Variants in GPC3 observed in about 807,000 individuals in gnomAD.
GPC3 encodes the protein glypican 3.
Under a neutral mutation model 34.4 loss-of-function variants are expected in GPC3, and 3 were observed. That is an observed-to-expected ratio of 0.09 (90% confidence interval 0.04 to 0.23). GPC3 has a LOEUF of 0.23. GPC3 is among the 10% of genes least tolerant of loss of function. GPC3 has a pLI of 1.00. For missense variants in GPC3, 351 were observed against 445.6 expected, an observed-to-expected ratio of 0.79 and a Z score of 1.91; for synonymous variants, 177 against 174.0, an observed-to-expected ratio of 1.02 and a Z score of -0.13.
chrX:133,664,322 G>C (rs2070751675), intron 5 of GPC3, among the ~76,000 whole-genome samples: 1 of 112,022 alleles, frequency 8.9e-6, no homozygotes, highest in South Asian at 3.7e-4. Context: ...TCTTTAAAGA[G>C]ACCAAAATTT....
chrX:133,559,589 T>G (rs896182755), intron 7 of GPC3, among the ~76,000 whole-genome samples: 1 of 110,388 alleles, frequency 9.1e-6, no homozygotes, highest in African/African-American at 3.3e-5. Flanking sequence ...GCCTGTGGAG[T>G]GTTCTGAGAA....
At chrX:133,606,265 C>T (rs779058207) in intron 6 of GPC3, among the ~76,000 whole-genome samples, 2 of 111,672 alleles carry the variant, frequency 1.8e-5, no homozygotes, top group South Asian at 7.6e-4. Flanking sequence ...TGGAAAATTT[C>T]CAATAATATT....
At chrX:133,597,168 A>G (rs1300412054) in intron 6 of GPC3, among the ~76,000 whole-genome samples, 1 of 111,890 alleles carries the variant, frequency 8.9e-6, no homozygotes, top group African/African-American at 3.2e-5. Flanking sequence ...TTCCAATAAG[A>G]TGCTTTTAAA....
chrX:133,721,659 A>G (rs2071368904), intron 3 of GPC3, among the ~76,000 whole-genome samples: 1 of 111,237 alleles, frequency 9.0e-6, no homozygotes. Flanking sequence ...AATTAGACAA[A>G]GACATCCTAA....
intron 3 of GPC3, among the ~76,000 whole-genome samples, chrX:133,704,735 G>C (rs936639928): frequency 1.8e-5 from 2 of 110,811 alleles, no homozygotes; most frequent in Non-Finnish European, 3.8e-5. Context: ...CTTCATGGGA[G>C]AAGGGGTGAG....
intron 2 of GPC3, among the ~76,000 whole-genome samples, chrX:133,826,597 A>G (rs1809428554): frequency 9.0e-6 from 1 of 111,450 alleles, no homozygotes; most frequent in Non-Finnish European, 1.9e-5. Context: ...CCAGAAGAAG[A>G]GAGAGAAAAG....
chrX:133,835,056 C>T (rs772302665), intron 2 of GPC3, among the ~76,000 whole-genome samples: 1 of 111,989 alleles, frequency 8.9e-6, no homozygotes, highest in African/African-American at 3.2e-5. Context: ...AATGTAAAGG[C>T]CCTATATTTT....
chrX:133,693,147 A>G (rs1017956524), intron 4 of GPC3, among the ~76,000 whole-genome samples: 6 of 102,586 alleles, frequency 5.8e-5, no homozygotes, highest in Non-Finnish European at 1.2e-4. Context: ...TGCTACATAT[A>G]ATAAGACAAG....
intron 3 of GPC3, among the ~76,000 whole-genome samples, chrX:133,716,401 T>A (rs2071313598): frequency 8.9e-6 from 1 of 112,000 alleles, no homozygotes; most frequent in Admixed American, 9.5e-5. Flanking sequence ...TTCAGACACT[T>A]AAAGGAAACA....
intron 2 of GPC3, among the ~76,000 whole-genome samples, chrX:133,795,341 A>G (rs2075573031): frequency 8.9e-6 from 1 of 112,514 alleles, no homozygotes; most frequent in Non-Finnish European, 1.9e-5. Flanking sequence ...TAAAGTGGTC[A>G]TAGCCATGAA....
At chrX:133,586,460 T>G (rs1238819648) in intron 7 of GPC3, among the ~76,000 whole-genome samples, 2 of 111,597 alleles carry the variant, frequency 1.8e-5, no homozygotes, top group East Asian at 5.6e-4. Flanking sequence ...ACATTTGATC[T>G]CTAAAAGAAA....
At chrX:133,734,746 T>C (rs1365387873) in intron 3 of GPC3, among the ~76,000 whole-genome samples, 1 of 110,706 alleles carries the variant, frequency 9.0e-6, no homozygotes, top group African/African-American at 3.3e-5. Flanking sequence ...CTCACTCACT[T>C]ACACACACAC....
intron 3 of GPC3, among the ~76,000 whole-genome samples, chrX:133,736,377 A>G (rs911127282): frequency 1.8e-5 from 2 of 112,097 alleles, no homozygotes; most frequent in African/African-American, 6.5e-5. Flanking sequence ...ACTGCTAGGT[A>G]TATTCCCAAG....
At chrX:133,600,940 C>A (rs1427108134) in intron 6 of GPC3, among the ~76,000 whole-genome samples, 1 of 112,131 alleles carries the variant, frequency 8.9e-6, no homozygotes, top group African/African-American at 3.2e-5. Context: ...AAAGCCAAGG[C>A]ACACAATAAT....
chrX:133,970,336 CAT>C, intron 1 of GPC3, among the ~76,000 whole-genome samples: 1 of 111,556 alleles, frequency 9.0e-6, no homozygotes, highest in East Asian at 2.8e-4. Context: ...GCTTGAGGTT[CAT>C]ATATATGTGT....
At chrX:133,596,180 G>C (rs1274299336) in intron 7 of GPC3, among the ~76,000 whole-genome samples, 1 of 111,589 alleles carries the variant, frequency 9.0e-6, no homozygotes, top group Non-Finnish European at 1.9e-5. Flanking sequence ...AGAGCCAACT[G>C]ATTAGGTCAG....
At chrX:133,755,331 C>T (rs1334119445) in intron 2 of GPC3, among the ~76,000 whole-genome samples, 1 of 111,625 alleles carries the variant, frequency 9.0e-6, no homozygotes, top group Non-Finnish European at 1.9e-5. Flanking sequence ...AGAGACCATA[C>T]TCCAACAGTT....
chrX:133,613,637 C>A (rs2070132690), intron 6 of GPC3, among the ~76,000 whole-genome samples: 1 of 111,243 alleles, frequency 9.0e-6, no homozygotes, highest in Non-Finnish European at 1.9e-5. Flanking sequence ...TACAATAGAC[C>A]CACAAGTATA....
At chrX:133,680,741 T>C (rs925604573) in intron 5 of GPC3, among the ~76,000 whole-genome samples, 10 of 112,035 alleles carry the variant, frequency 8.9e-5, no homozygotes, top group African/African-American at 3.2e-4. Context: ...GCAACTAGAC[T>C]CATCATGGTT....
Sources: allele counts gnomAD v4.1 joint callset (sites outside exome capture counted in the v4.1 genomes callset), GRCh38; gene constraint gnomAD v4.1.1; transcripts MANE v1.5; gene names NCBI Gene and HGNC (gene_info 2026-07-23, HGNC 2026-07-21).